HIPK2: variants seen among roughly 807,000 people sequenced by gnomAD.
HIPK2 encodes homeodomain-interacting protein kinase 2.
In HIPK2, 27 loss-of-function variants were observed where a neutral mutation model predicts 113.7. The observed-to-expected ratio is 0.24, with a 90% CI of 0.17 to 0.33. The LOEUF is 0.33. Ranked by LOEUF, HIPK2 falls within the 10% of genes least tolerant of loss-of-function variation. The pLI is 1.00. For synonymous variants in HIPK2, 631 were observed against 642.2 expected (o/e 0.98, Z 0.26); for missense variants, 1,257 against 1,588.0 (o/e 0.79, Z 3.54).
At position 139,575,279 on chromosome 7, in the gene HIPK2, C is replaced by G. The variant is rs748876430; in HGVS notation, c.2975G>C (p.Ser992Thr). 1.3e-6 allele frequency: 2 copies of G among 1,569,714 alleles called. No homozygotes were observed. Among genetic ancestry groups the G allele is most frequent in the Admixed American group, 3.8e-5 (2 of 52,936 alleles). The change falls in exon 14 of 15, where the codon AGT (serine) becomes ACT (threonine). Residue 992 changes from serine to threonine, a missense_variant. Transcript: ENST00000406875. Reference sequence around the variant, plus strand: ...GGACTTGTAGGAGGACGAGTGGTGACTGGTGTTGACTGTGGCGGGAGGAGA... The same window carrying G: ...GGACTTGTAGGAGGACGAGTGGTGAGTGGTGTTGACTGTGGCGGGAGGAGA... ...ECDSLVPVNT[S>T]HHSSSYKSKS...
intron 2 of HIPK2, among the ~76,000 whole-genome samples, chr7:139,698,324 T>C (rs1794619007): frequency 6.6e-6 from 1 of 152,240 alleles, no homozygotes. Flanking sequence ...TTCCATTGTA[T>C]GTCTATACCA....
intron 1 of HIPK2, among the ~76,000 whole-genome samples, chr7:139,773,299 T>C (rs1315468916): frequency 2.0e-5 from 3 of 152,220 alleles, no homozygotes; most frequent in Non-Finnish European, 4.4e-5. Context: ...AAGATCTGCC[T>C]ATACTGTAGG....
chr7:139,721,678 C>T (rs1260597534), intron 1 of HIPK2, among the ~76,000 whole-genome samples: 4 of 152,168 alleles, frequency 2.6e-5, no homozygotes, highest in African/African-American at 9.7e-5. Context: ...ATCTCAACTG[C>T]TTTTTAAGTT....
At chr7:139,759,793 G>A (rs1204813449) in intron 1 of HIPK2, among the ~76,000 whole-genome samples, 2 of 152,106 alleles carry the variant, frequency 1.3e-5, no homozygotes, top group African/African-American at 2.4e-5. Flanking sequence ...AAGAAAAATG[G>A]TTATCTACGA....
intron 2 of HIPK2, among the ~76,000 whole-genome samples, chr7:139,652,799 G>A (rs1030701328): frequency 3.3e-5 from 5 of 152,252 alleles, no homozygotes; most frequent in African/African-American, 9.6e-5. Context: ...AGAGGGCACT[G>A]CAGGTAAGAA....
intron 9 of HIPK2, among the ~76,000 whole-genome samples, chr7:139,610,913 C>T (rs1250087082): frequency 1.3e-5 from 2 of 152,150 alleles, no homozygotes; most frequent in African/African-American, 4.8e-5. Context: ...ATCCAGGATC[C>T]AATCAGATCG....
At chr7:139,743,368 C>CA (rs1357484043) in intron 1 of HIPK2, among the ~76,000 whole-genome samples, 8 of 152,214 alleles carry the variant, frequency 5.3e-5, no homozygotes, top group Non-Finnish European at 1.0e-4. Context: ...CTCTTTAAAA[C>CA]AGACACATGA....
At chr7:139,755,227 T>C (rs1264328616) in intron 1 of HIPK2, among the ~76,000 whole-genome samples, 1 of 152,190 alleles carries the variant, frequency 6.6e-6, no homozygotes, top group Non-Finnish European at 1.5e-5. Flanking sequence ...CTTTTTCCCA[T>C]GGACACTGTT....
intron 2 of HIPK2, among the ~76,000 whole-genome samples, chr7:139,673,848 G>C (rs560630257): frequency 8.0e-6 from 1 of 125,174 alleles, no homozygotes; most frequent in African/African-American, 3.0e-5. Context: ...AGGAGTTCAA[G>C]ACCAGCCTGG....
At chr7:139,774,164 T>C (rs1796700637) in intron 1 of HIPK2, among the ~76,000 whole-genome samples, 1 of 152,240 alleles carries the variant, frequency 6.6e-6, no homozygotes, top group Non-Finnish European at 1.5e-5. Flanking sequence ...TTTTCGAAAC[T>C]ATTTGTGGGT....
chr7:139,714,850 T>C lies in HIPK2; in HGVS notation c.1103+1082A>G, dbSNP rs1403969813. ...CTTTCCATCCCTGCCGCCTCCCCGC[T>C]GTGCACCCGCCATGGCCAGCCACGG... is the stretch of plus-strand genomic sequence containing the variant. On this transcript the variant is annotated intron_variant, in intron 2 of 14. Coordinates refer to ENST00000406875, the MANE Select transcript of HIPK2 (RefSeq NM_022740.5). The surrounding 1 kb of genome is among the most constrained non-coding windows in gnomAD (Gnocchi z 4.2). 6.6e-6 allele frequency among the ~76,000 whole-genome samples: 1 copy of C among 152,182 alleles called. No individual in the cohort carries two copies. The highest frequency in any genetic ancestry group is 2.4e-5 in the African/African-American group (1 of 41,462).
At chr7:139,597,652 C>T (rs754046116) in intron 11 of HIPK2, among the ~76,000 whole-genome samples, 2 of 152,150 alleles carry the variant, frequency 1.3e-5, no homozygotes, top group East Asian at 1.9e-4. Flanking sequence ...GATTTTGCCT[C>T]GTGGAGCCTC....
At chr7:139,682,779 G>A (rs773473162) in intron 2 of HIPK2, among the ~76,000 whole-genome samples, 8 of 152,212 alleles carry the variant, frequency 5.3e-5, no homozygotes, top group Non-Finnish European at 1.2e-4. Context: ...TCTAACAGAG[G>A]GGACAGAAGG....
chr7:139,622,441 A>G (rs1276977795), intron 6 of HIPK2, among the ~76,000 whole-genome samples: 1 of 152,242 alleles, frequency 6.6e-6, no homozygotes, highest in Non-Finnish European at 1.5e-5. Context: ...ATGGGCTTAA[A>G]GCATTTGGTT....
At chr7:139,764,247 C>T (rs1247526165) in intron 1 of HIPK2, among the ~76,000 whole-genome samples, 1 of 152,220 alleles carries the variant, frequency 6.6e-6, no homozygotes, top group Non-Finnish European at 1.5e-5. Context: ...GAAACTGATA[C>T]TACGTATTGA....
chr7:139,708,256 A>G (rs191724636), intron 2 of HIPK2, among the ~76,000 whole-genome samples: 3 of 152,324 alleles, frequency 2.0e-5, no homozygotes, highest in Non-Finnish European at 2.9e-5. Context: ...GGTGATGGAT[A>G]TGCCTATGGC....
chr7:139,583,608 G>C, intron 13 of HIPK2: 1 of 645,882 alleles, frequency 1.5e-6, no homozygotes, highest in South Asian at 2.0e-5. Flanking sequence ...TTGATTACAG[G>C]ATTAAAGAAG....
Position 139,573,172 on chromosome 7 carries a change from C to A in HIPK2, c.3352G>T (p.Ala1118Ser). ...GAGCCTTGCGAGGCCACCAGGTGGG[C>A]CACGGTGCCGGTGGAGCCCAGGGCC... ...PAALGSTGTV[A>S]HLVASQGSAR... Residue 1118 changes from alanine to serine, a missense_variant, in exon 15 of 15, where the codon GCC becomes TCC. By Grantham distance (99) the Ala-to-Ser change is moderately conservative (BLOSUM62 1). Around this residue, in one of 5 missense-constraint regions of HIPK2, gnomAD observed 862 missense variants for 1,004.3 expected, o/e 0.86. Coordinates refer to ENST00000406875, the MANE Select transcript of HIPK2 (RefSeq NM_022740.5). 6.2e-7 allele frequency: 1 copy of A among 1,609,516 alleles called. No individual in the cohort carries two copies. The highest frequency in any genetic ancestry group is 8.5e-7 in the Non-Finnish European group (1 of 1,179,264).
chr7:139,601,242 C>CA (rs11340089), intron 10 of HIPK2, among the ~76,000 whole-genome samples: 248 of 92,498 alleles, frequency 2.7e-3, no homozygotes, highest in South Asian at 4.2e-3. Flanking sequence ...GACACTGTCT[C>CA]AAAAAAAAAA....
Sources: gnomAD v4.1 joint callset for allele counts (sites outside exome capture counted in the v4.1 genomes callset) on GRCh38, gnomAD v4.1.1 for gene constraint, gnomAD v4.1.1 regional missense constraint, Gnocchi (gnomAD v3.1) non-coding constraint, MANE v1.5 for transcripts, NCBI Gene and HGNC (gene_info 2026-07-23, HGNC 2026-07-21) for gene names.